The following PLAGL1 variants were observed in gnomAD, a reference collection of about 807,000 sequenced individuals.
PLAGL1 encodes the protein zinc finger protein PLAGL1.
Under a neutral mutation model 4.6 loss-of-function variants are expected in PLAGL1, and 1 was observed. That is an observed-to-expected ratio of 0.22 (90% CI 0.08 to 1.03). The LOEUF is 1.03. PLAGL1 is among the 50% of genes least tolerant of loss of function. PLAGL1 has a pLI of 0.58. For missense variants in PLAGL1, 464 were observed against 570.4 expected (o/e 0.81, Z 1.90); for synonymous variants, 240 against 237.8 (o/e 1.01, Z -0.08).
chr6:143,972,126 G>A lies in PLAGL1; in HGVS notation c.-543-3148C>T, dbSNP rs929021742. ...CTCCCAAAATTTAGTATTTGCAGTT[G>A]AAACTGTGATAAGTAATTACTTTCA... On this transcript the variant is annotated intron_variant, in intron 2 of 7. Coordinates refer to ENST00000674357, the MANE Select transcript of PLAGL1 (RefSeq NM_001317162.2). This position sits in a 1 kb window ranked among gnomAD's most constrained non-coding sequence, Gnocchi z 6.8. Among the ~76,000 whole-genome samples, 1 of 152,206 alleles carries A rather than the reference G, an allele frequency of 6.6e-6. No homozygotes were observed. The highest frequency in any genetic ancestry group is 2.4e-5 in the African/African-American group (1 of 41,460).
At position 143,994,262 on chromosome 6, in the gene PLAGL1, T is replaced by C. The variant is rs1345603971; in HGVS notation, c.-583-9088A>G. Among the ~76,000 whole-genome samples, 1 of 152,230 alleles carries C rather than the reference T, an allele frequency of 6.6e-6. No homozygotes were observed. The highest frequency in any genetic ancestry group is 1.5e-5 in the Non-Finnish European group (1 of 68,042). On this transcript the variant is annotated intron_variant, in intron 1 of 7. Transcript: ENST00000674357. This position sits in a 1 kb window ranked among gnomAD's most constrained non-coding sequence, Gnocchi z 4.3. The stretch of plus-strand genomic sequence containing the variant: ...TTGGATCTGTATTATTTTAATAATC[T>C]CAGAAAGGTGTCAGAAAAACGAGGA...
In PLAGL1 at chr6:143,961,604, T is replaced by A. The variant is rs1783392428; in HGVS notation, c.-398-1062A>T. ...TTGCCTGAGTCATTTAGGGAAATTG[T>A]TTCCAACATATTCCTTGTTTTGCTT... On this transcript the variant is annotated intron_variant, in intron 5 of 7. Coordinates refer to ENST00000674357, the MANE Select transcript of PLAGL1 (RefSeq NM_001317162.2). The surrounding 1 kb of genome is among the most constrained non-coding windows in gnomAD (Gnocchi z 6.5). Among the ~76,000 whole-genome samples, 1 of 152,222 alleles carries A rather than the reference T, an allele frequency of 6.6e-6. No homozygotes were observed. Among genetic ancestry groups the A allele is most frequent in the South Asian group, 2.1e-4 (1 of 4,834 alleles).
At chr6:144,062,892 G>T (rs886141533) in intron 1 of PLAGL1, among the ~76,000 whole-genome samples, 46 of 152,156 alleles carry the variant, frequency 3.0e-4, no homozygotes, top group African/African-American at 1.1e-3. Context: ...AGGACACATT[G>T]GCGATTACTG....
In PLAGL1 at chr6:144,004,184, AT is replaced by A. The variant is rs34472088; in HGVS notation, c.-584+3905del. 0.8 allele frequency among the ~76,000 whole-genome samples: 119,176 copies of A among 149,254 alleles called. 47,467 individuals carry two copies. The highest frequency in any genetic ancestry group is 0.82 in the Middle Eastern group (237 of 288). On this transcript the variant is annotated intron_variant, in intron 1 of 7. Transcript: ENST00000674357. This position sits in a 1 kb window ranked among gnomAD's most constrained non-coding sequence, Gnocchi z 4.2. ...AAATGGGGATAACTATGTTCCAGTA[AT>A]TTTTTTTTTTTTTAAGATGGGGTCA... is the stretch of plus-strand genomic sequence containing the variant.
intron 1 of PLAGL1, among the ~76,000 whole-genome samples, chr6:143,987,236 T>C (rs1789390579): frequency 6.6e-6 from 1 of 151,902 alleles, no homozygotes; most frequent in Non-Finnish European, 1.5e-5. Context: ...AGAGACAGGG[T>C]CTCTGTCACC....
rs943123966 is a variant in PLAGL1 at position 143,960,309 on chromosome 6, T to C, written c.-325+160A>G. 3.3e-4 allele frequency among the ~76,000 whole-genome samples: 51 copies of C among 152,368 alleles called. No homozygotes were observed. The highest frequency in any genetic ancestry group is 1.2e-3 in the African/African-American group (49 of 41,586). ...AAAAATGAAAGGGCTAAAAGAACCC[T>C]GTTCTCGGGTATTCTGCAGTTTGTG... On this transcript the variant is annotated intron_variant, in intron 6 of 7. Coordinates refer to ENST00000674357, the MANE Select transcript of PLAGL1 (RefSeq NM_001317162.2). The surrounding 1 kb of genome is among the most constrained non-coding windows in gnomAD (Gnocchi z 5.7).
At chr6:144,012,730 G>C (rs1795276847), upstream of PLAGL1, among the ~76,000 whole-genome samples, 1 of 152,126 alleles carries the variant, frequency 6.6e-6, no homozygotes, top group Non-Finnish European at 1.5e-5. The surrounding 1 kb of genome is among the most constrained non-coding windows in gnomAD (Gnocchi z 4.8). Flanking sequence ...TTTTTCTCCT[G>C]AGCTTTCCCT....
intron 1 of PLAGL1, among the ~76,000 whole-genome samples, chr6:144,024,542 G>A (rs966209371): frequency 1.3e-5 from 2 of 152,184 alleles, no homozygotes; most frequent in African/African-American, 2.4e-5. Context: ...GACGTTCCAT[G>A]CACTTCTGCC....
intron 1 of PLAGL1, among the ~76,000 whole-genome samples, chr6:144,026,741 G>T (rs188116212): frequency 1.3e-5 from 2 of 152,152 alleles, no homozygotes; most frequent in Non-Finnish European, 2.9e-5. Context: ...ACACAGTACT[G>T]CTCAAGATCT....
rs1464405027 is a variant in PLAGL1, at chr6:143,989,895, A to C, written c.-583-4721T>G. Among the ~76,000 whole-genome samples the C allele has an allele frequency of 2.6e-5, 4 of 152,172 alleles. No homozygotes were observed. The highest frequency in any genetic ancestry group is 4.4e-5 in the Non-Finnish European group (3 of 68,038). On this transcript the variant is annotated intron_variant, in intron 1 of 7. Coordinates refer to ENST00000674357, the MANE Select transcript of PLAGL1 (RefSeq NM_001317162.2). The surrounding 1 kb of genome is among the most constrained non-coding windows in gnomAD (Gnocchi z 4.8). ...CTTAACACATAACATCTCTCTGTTA[A>C]CATCCCTACTTAATGCTTCTGTGAG...
At position 143,975,486 on chromosome 6, in the gene PLAGL1, C is replaced by T. The variant is rs79070313; in HGVS notation, c.-543-6508G>A. Among the ~76,000 whole-genome samples the T allele has an allele frequency of 8.6e-3, 1,313 of 152,182 alleles. 57 individuals carry two copies. In the East Asian group the frequency reaches 0.13, roughly 15 times the overall value. On this transcript the variant is annotated intron_variant, in intron 2 of 7. Transcript: ENST00000674357. This position sits in a 1 kb window ranked among gnomAD's most constrained non-coding sequence, Gnocchi z 5.8. ...AACTAATATAAAGCTCCTAAAACAG[C>T]ATTGGCATACAGTGAAAGATCAATA... is the stretch of plus-strand genomic sequence containing the variant.
rs750829350 is a variant in PLAGL1 at position 144,048,380 on chromosome 6, C to T, written c.-151+16088G>A. On this transcript the variant is annotated intron_variant, in intron 1 of 3. Coordinates refer to the PLAGL1 transcript ENST00000437412. The surrounding 1 kb of genome is among the most constrained non-coding windows in gnomAD (Gnocchi z 4.8). Reference sequence around the variant, plus strand: ...TGTGGGGGCTCCAACCCCACATTTTCCTCCTGGACTACGCTAGCAGAGGTT... The same window carrying T: ...TGTGGGGGCTCCAACCCCACATTTTTCTCCTGGACTACGCTAGCAGAGGTT... Among the ~76,000 whole-genome samples, 9 of 152,212 alleles carry T rather than the reference C, an allele frequency of 5.9e-5. No homozygotes were observed. The highest frequency in any genetic ancestry group is 1.2e-4 in the Non-Finnish European group (8 of 68,018).
intron 1 of PLAGL1, among the ~76,000 whole-genome samples, chr6:144,019,161 G>A (rs6942039): frequency 0.031 from 4,752 of 152,058 alleles, 247 homozygotes; most frequent in African/African-American, 0.11. Flanking sequence ...TCATTCTAAA[G>A]TGATCCCTGG....
chr6:143,963,774 T>C lies in PLAGL1; in HGVS notation c.-399+1013A>G, dbSNP rs565210003. ...ATCTATTTCCTTCTCTTAATTCCCA[T>C]AGCTACCTGCTGTTTGGGTGATGTT... On this transcript the variant is annotated intron_variant, in intron 5 of 7. Coordinates refer to ENST00000674357, the MANE Select transcript of PLAGL1 (RefSeq NM_001317162.2). This position sits in a 1 kb window ranked among gnomAD's most constrained non-coding sequence, Gnocchi z 6.1. 6.6e-6 allele frequency among the ~76,000 whole-genome samples: 1 copy of C among 152,210 alleles called. No homozygotes were observed. The highest frequency in any genetic ancestry group is 6.5e-5 in the Admixed American group (1 of 15,290).
chr6:144,001,757 A>T (rs185742937), intron 1 of PLAGL1, among the ~76,000 whole-genome samples: 1 of 152,302 alleles, frequency 6.6e-6, no homozygotes. Flanking sequence ...GCCATATGTG[A>T]TACAATGAGA....
Position 143,941,782 on chromosome 6 carries a change from A to G in PLAGL1, c.1034T>C (p.Leu345Pro). 6.2e-7 allele frequency: 1 copy of G among 1,614,242 alleles called. No homozygotes were observed. The highest frequency in any genetic ancestry group is 1.1e-5 in the South Asian group (1 of 91,086). ...PLQEPQSPQK[L>P]NPGFDLAKGN... ...CTTAGCCAGATCAAAACCTGGGTTG[A>G]GCTTTTGAGGTGACTGAGGCTCTTG... Residue 345 changes from leucine to proline, a missense_variant, in exon 8 of 8, where the codon CTC becomes CCC. By Grantham distance (98) the Leu-to-Pro change is moderately conservative (BLOSUM62 -3). Around this residue, in one of 4 missense-constraint regions of PLAGL1, gnomAD observed 248 missense variants for 250.1 expected, o/e 0.99. Transcript: ENST00000674357. This position sits in a 1 kb window ranked among gnomAD's most constrained non-coding sequence, Gnocchi z 6.0.
Position 144,027,287 on chromosome 6 carries a change from G to A in PLAGL1, c.-151+37181C>T, listed in dbSNP as rs974223141. Among the ~76,000 whole-genome samples the A allele has an allele frequency of 8.2e-6, 1 of 122,620 alleles. No individual in the cohort carries two copies. Among genetic ancestry groups the A allele is most frequent in the Non-Finnish European group, 1.8e-5 (1 of 55,654 alleles). The allele number at this position is 122,620 out of a possible 152,430, so 80.4% of individuals were successfully genotyped here. On this transcript the variant is annotated intron_variant, in intron 1 of 3. Coordinates refer to the PLAGL1 transcript ENST00000437412. This position sits in a 1 kb window ranked among gnomAD's most constrained non-coding sequence, Gnocchi z 5.8. ...AGAAAGAAAGAAAGAAAGAAAGAAA[G>A]AAAGAAAGTTATTTGATCTGAAGTA...
Position 144,059,196 on chromosome 6 carries a change from G to A in PLAGL1, c.-151+5272C>T, listed in dbSNP as rs561320586. Among the ~76,000 whole-genome samples the A allele has an allele frequency of 2.2e-4, 33 of 152,338 alleles. No individual in the cohort carries two copies. Among genetic ancestry groups the A allele is most frequent in the African/African-American group, 7.5e-4 (31 of 41,570 alleles). ...CCCACAGGAAGCTGCTAAGGCTTAT[G>A]GCACCTTGCACTCCCCAAAGCCACA... is the stretch of plus-strand genomic sequence containing the variant. On this transcript the variant is annotated intron_variant, in intron 1 of 3. Coordinates refer to the PLAGL1 transcript ENST00000437412. The surrounding 1 kb of genome is among the most constrained non-coding windows in gnomAD (Gnocchi z 4.9).
rs1393884356 is a variant in PLAGL1 at position 143,952,487 on chromosome 6, G to T, written c.-324-4027C>A. On this transcript the variant is annotated intron_variant, in intron 6 of 7. Transcript: ENST00000674357. This position sits in a 1 kb window ranked among gnomAD's most constrained non-coding sequence, Gnocchi z 6.1. Reference sequence around the variant, plus strand: ...TAAAAATACTGAGTGATACAGATCTGCCAGTATGCCAAAGAAGGCTTGTGC... The same window carrying T: ...TAAAAATACTGAGTGATACAGATCTTCCAGTATGCCAAAGAAGGCTTGTGC... Among the ~76,000 whole-genome samples the T allele has an allele frequency of 8.6e-5, 13 of 151,924 alleles. No homozygotes were observed. The highest frequency in any genetic ancestry group is 3.1e-4 in the African/African-American group (13 of 41,306).
Sources: allele counts gnomAD v4.1 joint callset (sites outside exome capture counted in the v4.1 genomes callset), GRCh38; gene constraint gnomAD v4.1.1; regional missense constraint gnomAD v4.1.1; non-coding constraint Gnocchi (gnomAD v3.1); transcripts MANE v1.5; gene names NCBI Gene and HGNC (gene_info 2026-07-23, HGNC 2026-07-21).